The following STPG2 variants were observed in gnomAD, a reference collection of about 807,000 sequenced individuals.
The protein encoded by STPG2 is sperm tail PG-rich repeat containing 2.
STPG2 carries 56 observed loss-of-function variants against 54.2 expected under a neutral mutation model. The ratio of observed to expected loss-of-function variants is 1.03; its 90% CI spans 0.83 to 1.29. The LOEUF (loss-of-function observed/expected upper bound fraction) is 1.29, where lower values mean the gene tolerates loss of function less well. Ranked by LOEUF, STPG2 falls within the 50% of genes most tolerant of loss-of-function variation. The pLI is 0.00. For missense variants in STPG2, 596 were observed against 544.9 expected, an observed-to-expected ratio of 1.09 and a Z score of -0.93; for synonymous variants, 200 against 181.8, an observed-to-expected ratio of 1.10 and a Z score of -0.81.
chr4:98,000,340 A>G (rs1298666513), intron 5 of STPG2, among the ~76,000 whole-genome samples: 1 of 152,136 alleles, frequency 6.6e-6, no homozygotes, highest in Non-Finnish European at 1.5e-5. Context: ...GGCTACTTCT[A>G]TCAACCTAAT....
intron 10 of STPG2, among the ~76,000 whole-genome samples, chr4:97,645,942 C>G (rs1275516936): frequency 1.3e-5 from 2 of 152,016 alleles, no homozygotes; most frequent in African/African-American, 4.8e-5. Flanking sequence ...TACATAAATT[C>G]CAGTCCAAAC....
chr4:97,956,400 T>G (rs766398723), intron 7 of STPG2, among the ~76,000 whole-genome samples: 4 of 152,092 alleles, frequency 2.6e-5, no homozygotes, highest in African/African-American at 4.8e-5. Flanking sequence ...AAGTGGATAA[T>G]GGGAATCATG....
At chr4:97,715,739 C>A (rs1724264184) in intron 9 of STPG2, among the ~76,000 whole-genome samples, 1 of 151,958 alleles carries the variant, frequency 6.6e-6, no homozygotes, top group Admixed American at 6.6e-5. Context: ...CATACTAAAA[C>A]CCTGGAAGAA....
At chr4:97,635,153 C>G (rs986235722) in intron 10 of STPG2, among the ~76,000 whole-genome samples, 1 of 151,890 alleles carries the variant, frequency 6.6e-6, no homozygotes, top group Non-Finnish European at 1.5e-5. Context: ...CAGCAGAAAC[C>G]CTACAAGCCA....
intron 4 of STPG2, among the ~76,000 whole-genome samples, chr4:97,527,587 A>G (rs1249934033): frequency 6.6e-6 from 1 of 152,156 alleles, no homozygotes; most frequent in African/African-American, 2.4e-5. Context: ...GTCTTCCACA[A>G]TGGTTGAACT....
intron 8 of STPG2, among the ~76,000 whole-genome samples, chr4:97,911,747 A>G (rs77071921): frequency 0.017 from 2,569 of 152,250 alleles, 71 homozygotes; most frequent in African/African-American, 0.058. Context: ...TTCAGCAGAC[A>G]TAGCATTTCC....
At chr4:97,996,956 C>T (rs1735261104) in intron 5 of STPG2, among the ~76,000 whole-genome samples, 1 of 152,088 alleles carries the variant, frequency 6.6e-6, no homozygotes, top group South Asian at 2.1e-4. Context: ...GGCAAGGTGG[C>T]AGAGAAAAAG....
chr4:98,003,364 G>C (rs72686463), intron 5 of STPG2, among the ~76,000 whole-genome samples: 4 of 151,956 alleles, frequency 2.6e-5, no homozygotes, highest in Non-Finnish European at 4.4e-5. Flanking sequence ...ATTTGGAATT[G>C]GCTTACAAAT....
intron 10 of STPG2, among the ~76,000 whole-genome samples, chr4:97,592,395 T>C (rs1464144712): frequency 6.6e-6 from 1 of 152,208 alleles, no homozygotes; most frequent in Non-Finnish European, 1.5e-5. Flanking sequence ...AATATGTTTT[T>C]TGAGATCTCA....
intron 4 of STPG2, among the ~76,000 whole-genome samples, chr4:97,463,208 A>G (rs556012145): frequency 7.2e-5 from 11 of 152,152 alleles, no homozygotes; most frequent in African/African-American, 2.6e-4. Context: ...TTTGAATTGT[A>G]TTGTAACCGA....
At chr4:97,565,096 C>T (rs1051183317) in intron 10 of STPG2, among the ~76,000 whole-genome samples, 11 of 152,166 alleles carry the variant, frequency 7.2e-5, no homozygotes, top group African/African-American at 2.7e-4. Flanking sequence ...TTGGTCTTTT[C>T]ACATAGTCCC....
chr4:97,988,665 G>A (rs570552435), intron 5 of STPG2, among the ~76,000 whole-genome samples: 3 of 152,280 alleles, frequency 2.0e-5, no homozygotes, highest in Admixed American at 2.0e-4. Flanking sequence ...GGAGTGCAGT[G>A]GCCCAATCTC....
chr4:97,530,107 T>A (rs1294646933), intron 4 of STPG2, among the ~76,000 whole-genome samples: 1 of 152,152 alleles, frequency 6.6e-6, no homozygotes, highest in Non-Finnish European at 1.5e-5. Context: ...TAATCCTTGA[T>A]TTTACAATAT....
intron 8 of STPG2, among the ~76,000 whole-genome samples, chr4:97,910,036 A>C (rs1191346655): frequency 6.6e-6 from 1 of 152,210 alleles, no homozygotes; most frequent in Non-Finnish European, 1.5e-5. Flanking sequence ...AAATCCCTGC[A>C]GAAAAACTTG....
At chr4:98,068,395 T>A (rs972223822) in intron 5 of STPG2, among the ~76,000 whole-genome samples, 6 of 152,216 alleles carry the variant, frequency 3.9e-5, no homozygotes, top group African/African-American at 1.2e-4. Flanking sequence ...AGACTACATG[T>A]ACATTTGTTC....
At chr4:97,774,007 G>A (rs1408879394) in intron 9 of STPG2, among the ~76,000 whole-genome samples, 1 of 151,644 alleles carries the variant, frequency 6.6e-6, no homozygotes, top group Non-Finnish European at 1.5e-5. Context: ...GTGTGTGTGT[G>A]TGTGTGTGTG....
intron 5 of STPG2, among the ~76,000 whole-genome samples, chr4:98,015,431 T>C (rs928457965): frequency 1.4e-4 from 21 of 152,174 alleles, no homozygotes; most frequent in African/African-American, 5.1e-4. Context: ...AGAAGACATT[T>C]ATGCGGCCAA....
chr4:97,774,985 C>A (rs1726331143), intron 9 of STPG2, among the ~76,000 whole-genome samples: 1 of 152,138 alleles, frequency 6.6e-6, no homozygotes, highest in African/African-American at 2.4e-5. Flanking sequence ...AATGGTTACA[C>A]CTGGCTATGA....
chr4:97,463,374 A>G (rs1041326771), intron 4 of STPG2, among the ~76,000 whole-genome samples: 1 of 152,162 alleles, frequency 6.6e-6, no homozygotes, highest in African/African-American at 2.4e-5. Context: ...GGTTTATAGA[A>G]AAGTAGTAGA....
Sources: gnomAD v4.1 joint callset for allele counts (sites outside exome capture counted in the v4.1 genomes callset) on GRCh38, gnomAD v4.1.1 for gene constraint, MANE v1.5 for transcripts, NCBI Gene and HGNC (gene_info 2026-07-23, HGNC 2026-07-21) for gene names.